Variants in AFG2B observed in about 807,000 individuals in gnomAD.
AFG2B encodes the protein AAA ATPase AFG2B, also known as ATPase family gene 2 protein homolog B.
At chr15:45,415,541 C>A in the AFG2B span, 3 of 1,378,900 alleles carry the variant, frequency 2.2e-6, no homozygotes, top group Non-Finnish European at 3.0e-6. Context: ...TATCACATGA[C>A]TAATGTATAA....
the AFG2B span, among the ~76,000 whole-genome samples, chr15:45,419,985 G>GCCC: frequency 2.6e-5 from 2 of 76,850 alleles, 1 homozygote; most frequent in Non-Finnish European, 4.4e-5. Context: ...GCAAGACTCT[G>GCCC]TCCCCCCCCC....
At chr15:45,415,985 T>C in the AFG2B span, 1 of 409,290 alleles carries the variant, frequency 2.4e-6, no homozygotes, top group Admixed American at 4.1e-5. Flanking sequence ...AAAGGTGAGG[T>C]ACATTTTATA....
chr15:45,408,353 C>T, the AFG2B span, among the ~76,000 whole-genome samples: 2 of 152,198 alleles, frequency 1.3e-5, no homozygotes, highest in East Asian at 3.8e-4. Flanking sequence ...CTTGCTCCCT[C>T]TCCTCTTCTC....
At chr15:45,410,975 G>A in the AFG2B span, among the ~76,000 whole-genome samples, 2 of 152,202 alleles carry the variant, frequency 1.3e-5, no homozygotes, top group African/African-American at 4.8e-5. Flanking sequence ...GTTGAGGTGG[G>A]TGGATCACCT....
the AFG2B span, chr15:45,402,672 C>T: frequency 1.3e-6 from 2 of 1,576,766 alleles, no homozygotes; most frequent in East Asian, 2.3e-5. Flanking sequence ...GCGCGAGCCC[C>T]GGGGCGGCGG....
the AFG2B span, among the ~76,000 whole-genome samples, chr15:45,412,628 AT>A: frequency 1.3e-5 from 2 of 152,032 alleles, no homozygotes; most frequent in Non-Finnish European, 2.9e-5. Context: ...TATTCTTTTG[AT>A]TTTTTTTCAA....
the AFG2B span, chr15:45,414,582 GC>G: frequency 4.3e-6 from 7 of 1,613,860 alleles, no homozygotes; most frequent in Non-Finnish European, 5.9e-6. Flanking sequence ...GCATTGAGTG[GC>G]CTCTGAAATT....
chr15:45,407,922 G>T, the AFG2B span, among the ~76,000 whole-genome samples: 1 of 152,188 alleles, frequency 6.6e-6, no homozygotes, highest in African/African-American at 2.4e-5. Context: ...ACCTGAGAGT[G>T]AAGACGACTT....
At chr15:45,406,981 A>C in the AFG2B span, 2 of 1,257,592 alleles carry the variant, frequency 1.6e-6, no homozygotes, top group Non-Finnish European at 2.1e-6. Context: ...ATAAGTAAGC[A>C]GGAGATGGGA....
At chr15:45,412,989 C>G in the AFG2B span, among the ~76,000 whole-genome samples, 1 of 152,156 alleles carries the variant, frequency 6.6e-6, no homozygotes, top group Non-Finnish European at 1.5e-5. Context: ...ACCAGGAGAT[C>G]TATCTCCAGT....
chr15:45,420,012 AAAC>A, the AFG2B span, among the ~76,000 whole-genome samples: 53 of 147,706 alleles, frequency 3.6e-4, no homozygotes, highest in African/African-American at 1.0e-3. Flanking sequence ...AAAAAAAAAA[AAAC>A]AAAAAACAAA....
chr15:45,405,383 A>G, the AFG2B span: 2 of 1,614,096 alleles, frequency 1.2e-6, no homozygotes, highest in South Asian at 1.1e-5. Flanking sequence ...TACCTCGAAG[A>G]TGCCCATCTC....
the AFG2B span, chr15:45,407,293 G>A: frequency 1.8e-6 from 2 of 1,115,406 alleles, no homozygotes. Context: ...CTGTACCAGG[G>A]CAGATAAGGG....
the AFG2B span, among the ~76,000 whole-genome samples, chr15:45,420,249 T>C: frequency 6.6e-6 from 1 of 152,220 alleles, no homozygotes; most frequent in Admixed American, 6.5e-5. Context: ...TATCTGGGTT[T>C]CTACTTTTTT....
chr15:45,415,874 A>G, the AFG2B span: 1 of 1,168,158 alleles, frequency 8.6e-7, no homozygotes. Context: ...TATATGCTAT[A>G]GCTTTACCTA....
At chr15:45,414,020 C>G in the AFG2B span, among the ~76,000 whole-genome samples, 1 of 152,124 alleles carries the variant, frequency 6.6e-6, no homozygotes, top group Non-Finnish European at 1.5e-5. Context: ...GTGAGCTTTG[C>G]TTACGTTCTA....
the AFG2B span, among the ~76,000 whole-genome samples, chr15:45,404,807 C>CA: frequency 0.36 from 34,071 of 93,502 alleles, 5,723 homozygotes; most frequent in East Asian, 0.83. Context: ...AACTGTGTCT[C>CA]AAAAAAAAAA....
the AFG2B span, among the ~76,000 whole-genome samples, chr15:45,405,061 AG>A: frequency 6.6e-6 from 1 of 152,196 alleles, no homozygotes; most frequent in South Asian, 2.1e-4. Flanking sequence ...TCTCTCTAGT[AG>A]CTATTTTGAA....
chr15:45,413,017 A>G, the AFG2B span, among the ~76,000 whole-genome samples: 3 of 152,228 alleles, frequency 2.0e-5, no homozygotes, highest in Non-Finnish European at 4.4e-5. Flanking sequence ...AGAATTTTTG[A>G]GTCCATGGAT....
Sources: allele counts gnomAD v4.1 joint callset (sites outside exome capture counted in the v4.1 genomes callset), GRCh38; gene constraint gnomAD v4.1.1; transcripts MANE v1.5; gene names NCBI Gene and HGNC (gene_info 2026-07-23, HGNC 2026-07-21).